PRKN: variants seen among roughly 807,000 people sequenced by gnomAD.
PRKN encodes the protein parkin RBR E3 ubiquitin protein ligase.
In PRKN, 56 loss-of-function variants were observed where a neutral mutation model predicts 59.5. The ratio of observed to expected loss-of-function variants is 0.94; its 90% CI spans 0.76 to 1.18. The LOEUF (loss-of-function observed/expected upper bound fraction) is 1.18, where lower values mean the gene tolerates loss of function less well. PRKN is among the 50% of genes most tolerant of loss of function. The probability of loss-of-function intolerance (pLI) is 0.00; values close to 1 mark genes in which losing one functional copy is unlikely to be tolerated. For missense variants in PRKN, 657 were observed against 596.4 expected (o/e 1.10, Z -1.06); for synonymous variants, 250 against 222.1 (o/e 1.13, Z -1.12).
In PRKN at chr6:161,483,575, A is replaced by G. The variant is rs1366138579; in HGVS notation, c.1083+65279T>C. On this transcript the variant is annotated intron_variant, in intron 9 of 11. Coordinates refer to ENST00000366898, the MANE Select transcript of PRKN (RefSeq NM_004562.3). This position sits in a 1 kb window ranked among gnomAD's most constrained non-coding sequence, Gnocchi z 5.0. ...ATTCACTAAACTTCAATAAGCTACA[A>G]TTCTATCCTTACCTCACATGTCACA... is the stretch of plus-strand genomic sequence containing the variant. Among the ~76,000 whole-genome samples the G allele has an allele frequency of 6.6e-6, 1 of 152,196 alleles. No individual in the cohort carries two copies. The highest frequency in any genetic ancestry group is 1.5e-5 in the Non-Finnish European group (1 of 68,032).
At chr6:161,864,802 G>A (rs1445719226) in intron 6 of PRKN, among the ~76,000 whole-genome samples, 2 of 36,286 alleles carry the variant, frequency 5.5e-5, no homozygotes, top group Non-Finnish European at 1.2e-4. Context: ...GATTACAGTC[G>A]CCCACCACAC....
At chr6:161,757,871 C>CTCTCTCTCTGTGTG (rs1380898753) in intron 7 of PRKN, among the ~76,000 whole-genome samples, 3 of 97,980 alleles carry the variant, frequency 3.1e-5, no homozygotes, top group East Asian at 6.1e-4. Context: ...CTCTCTCTCT[C>CTCTCTCTCTGTGTG]TGTGTATATA....
At chr6:161,998,644 C>T (rs1351323032) in intron 5 of PRKN, among the ~76,000 whole-genome samples, 1 of 152,008 alleles carries the variant, frequency 6.6e-6, no homozygotes, top group African/African-American at 2.4e-5. Context: ...ACTGCCATTC[C>T]TAAAAAACAA....
At chr6:161,802,943 A>G (rs1399977261) in intron 6 of PRKN, among the ~76,000 whole-genome samples, 1 of 152,060 alleles carries the variant, frequency 6.6e-6, no homozygotes, top group South Asian at 2.1e-4. Flanking sequence ...ACTTAAAGCT[A>G]AAGGCCCTTG....
intron 7 of PRKN, among the ~76,000 whole-genome samples, chr6:161,766,662 G>A (rs935366131): frequency 9.9e-5 from 15 of 152,192 alleles, no homozygotes; most frequent in Admixed American, 6.5e-5. Context: ...CTGCAGAGAG[G>A]CTGAGATGCT....
At chr6:161,573,747 A>T (rs1472607363) in intron 7 of PRKN, among the ~76,000 whole-genome samples, 1,745 of 33,864 alleles carry the variant, frequency 0.052, 97 homozygotes, top group Non-Finnish European at 0.057. Flanking sequence ...AAAAAAAAAA[A>T]AAAAAAAAAT....
At chr6:162,220,705 C>T (rs1777888120) in intron 3 of PRKN, among the ~76,000 whole-genome samples, 1 of 152,148 alleles carries the variant, frequency 6.6e-6, no homozygotes, top group Non-Finnish European at 1.5e-5. Context: ...AACGGAACTC[C>T]ACATGGACAC....
rs1777637975 is a variant in PRKN, at chr6:161,493,614, G to A, written c.1083+55240C>T. 2.0e-5 allele frequency among the ~76,000 whole-genome samples: 3 copies of A among 152,270 alleles called. No homozygotes were observed. In the South Asian group the frequency reaches 6.2e-4, roughly 32 times the overall value. On this transcript the variant is annotated intron_variant, in intron 9 of 11. Coordinates refer to ENST00000366898, the MANE Select transcript of PRKN (RefSeq NM_004562.3). ...GAATATGTGGCAATGAACAAAGAAG[G>A]GCACAGATTACACGAAGAGCAGATG...
At chr6:161,615,146 A>G (rs1782645035) in intron 7 of PRKN, among the ~76,000 whole-genome samples, 1 of 152,084 alleles carries the variant, frequency 6.6e-6, no homozygotes, top group Admixed American at 6.5e-5. Flanking sequence ...CTTTTGCACC[A>G]ACCTACACAT....
At chr6:161,455,898 A>G (rs1789948145) in intron 9 of PRKN, among the ~76,000 whole-genome samples, 1 of 152,106 alleles carries the variant, frequency 6.6e-6, no homozygotes, top group South Asian at 2.1e-4. Flanking sequence ...CATACAAATA[A>G]ATACATATAC....
At chr6:161,823,956 G>C (rs1792139538) in intron 6 of PRKN, among the ~76,000 whole-genome samples, 1 of 152,202 alleles carries the variant, frequency 6.6e-6, no homozygotes, top group African/African-American at 2.4e-5. Context: ...AAATCCCCCT[G>C]TGTCAGGCGG....
chr6:162,519,396 T>C (rs907132354), intron 1 of PRKN, among the ~76,000 whole-genome samples: 3 of 152,102 alleles, frequency 2.0e-5, no homozygotes, highest in Non-Finnish European at 4.4e-5. Flanking sequence ...CAGTTACTAG[T>C]ATTAGCCTAT....
rs1784414376 is a variant in PRKN, at chr6:161,348,570, G to C, written c.*1529C>G. On this transcript the variant is annotated 3_prime_UTR_variant, in exon 12 of 12. Coordinates refer to ENST00000366898, the MANE Select transcript of PRKN (RefSeq NM_004562.3). This position sits in a 1 kb window ranked among gnomAD's most constrained non-coding sequence, Gnocchi z 4.9. ...GAAATGGGTTATCTTAGGCAGTTAG[G>C]AAAAGAGGGACAGGTGTCCCAGGAT... 4.8e-6 allele frequency: 1 copy of C among 206,946 alleles called. No individual in the cohort carries two copies. The highest frequency in any genetic ancestry group is 9.9e-6 in the Non-Finnish European group (1 of 101,366). 12.8% of individuals were successfully genotyped at this position (206,946 alleles called of 1,614,324 possible). A position where few individuals can be genotyped will look rare whatever the true frequency, so the allele number is the denominator to read the frequency against.
In PRKN at chr6:161,347,926, T is replaced by G. The variant is rs759912804; in HGVS notation, c.*2173A>C. On this transcript the variant is annotated 3_prime_UTR_variant, in exon 12 of 12. Coordinates refer to ENST00000366898, the MANE Select transcript of PRKN (RefSeq NM_004562.3). ...CCACCGCGCCCGGCCTGCTCTAACT[T>G]ATTTTAAGAATCACTGTTCTATTCT... is the stretch of plus-strand genomic sequence containing the variant. 1 of 167,028 alleles carries G rather than the reference T, an allele frequency of 6.0e-6. No homozygotes were observed. Among genetic ancestry groups the G allele is most frequent in the Non-Finnish European group, 1.3e-5 (1 of 76,684 alleles). The allele number at this position is 167,028 out of a possible 1,614,324, so 10.3% of individuals were successfully genotyped here.
rs545744886 is a variant in PRKN at position 161,549,018 on chromosome 6, AAGCAG to A, written c.934-20_934-16del. The A allele has an allele frequency of 4.1e-4, 668 of 1,614,038 alleles. 11 individuals are homozygous for A. In the South Asian group the frequency reaches 6.7e-3, roughly 16 times the overall value. The stretch of plus-strand genomic sequence containing the variant: ...TACCGGTTGTACTGCAAAACCCAAA[AAGCAG>A]ATTGAGCTTTCAAACTGACTGCAAA... On this transcript the variant is annotated splice_polypyrimidine_tract_variant and intron_variant, in intron 8 of 11. Coordinates refer to ENST00000366898, the MANE Select transcript of PRKN (RefSeq NM_004562.3). This position sits in a 1 kb window ranked among gnomAD's most constrained non-coding sequence, Gnocchi z 6.0.
At chr6:161,642,157 T>G (rs1395192043) in intron 7 of PRKN, among the ~76,000 whole-genome samples, 6 of 152,232 alleles carry the variant, frequency 3.9e-5, no homozygotes, top group Non-Finnish European at 8.8e-5. Flanking sequence ...CAAGCTGATT[T>G]GAAAATCTAC....
chr6:162,052,028 T>A (rs1260026975), intron 5 of PRKN, among the ~76,000 whole-genome samples: 2 of 152,186 alleles, frequency 1.3e-5, no homozygotes, highest in African/African-American at 2.4e-5. Context: ...CAGGAATGAC[T>A]GTGTTATTAG....
intron 6 of PRKN, among the ~76,000 whole-genome samples, chr6:161,892,231 T>C (rs982739005): frequency 8.6e-5 from 13 of 151,562 alleles, no homozygotes; most frequent in African/African-American, 2.9e-4. Flanking sequence ...CCCCAGAAGT[T>C]AGAGGTCAGT....
intron 7 of PRKN, among the ~76,000 whole-genome samples, chr6:161,719,117 GA>G (rs1169588334): frequency 7.2e-5 from 11 of 151,886 alleles, no homozygotes; most frequent in African/African-American, 2.4e-4. Flanking sequence ...TAAGAAAGGG[GA>G]AAAAAATCAC....
Sources: allele counts gnomAD v4.1 joint callset (sites outside exome capture counted in the v4.1 genomes callset), GRCh38; gene constraint gnomAD v4.1.1; non-coding constraint Gnocchi (gnomAD v3.1); transcripts MANE v1.5; gene names NCBI Gene and HGNC (gene_info 2026-07-23, HGNC 2026-07-21).